The following CNTN4 variants were observed in gnomAD, a reference collection of about 807,000 sequenced individuals.
CNTN4 encodes the protein contactin-4.
CNTN4 carries 77 observed loss-of-function variants against 122.5 expected under a neutral mutation model. That is an observed-to-expected ratio of 0.63 (90% CI 0.52 to 0.76). The LOEUF (loss-of-function observed/expected upper bound fraction) is 0.76. CNTN4 is among the 30% of genes least tolerant of loss of function. The probability of loss-of-function intolerance (pLI) is 0.00; values close to 1 mark genes in which losing one functional copy is unlikely to be tolerated. For synonymous variants in CNTN4, 512 were observed against 447.0 expected, an observed-to-expected ratio of 1.15 and a Z score of -1.83; for missense variants, 1,256 against 1,259.1, an observed-to-expected ratio of 1.00 and a Z score of 0.04.
At chr3:2,105,561 C>T (rs1431908450) in intron 2 of CNTN4, among the ~76,000 whole-genome samples, 2 of 152,158 alleles carry the variant, frequency 1.3e-5, no homozygotes, top group Non-Finnish European at 2.9e-5. Flanking sequence ...ATAAAACCAT[C>T]AGATCTCATG....
chr3:2,838,315 C>G (rs1008228296), intron 7 of CNTN4, among the ~76,000 whole-genome samples: 1 of 152,152 alleles, frequency 6.6e-6, no homozygotes, highest in Non-Finnish European at 1.5e-5. Context: ...TAGAAACTCT[C>G]ATCTTTACTG....
At chr3:2,357,375 A>G (rs2044917270) in intron 3 of CNTN4, among the ~76,000 whole-genome samples, 1 of 152,214 alleles carries the variant, frequency 6.6e-6, no homozygotes, top group South Asian at 2.1e-4. Flanking sequence ...GATTCTGGTG[A>G]TTCTGTTATA....
chr3:2,306,220 A>G (rs182058402), intron 2 of CNTN4, among the ~76,000 whole-genome samples: 9 of 152,326 alleles, frequency 5.9e-5, no homozygotes, highest in African/African-American at 1.7e-4. Context: ...ACTGTTTACC[A>G]AAGTGTTTGC....
chr3:2,652,283 C>T (rs561186498), intron 4 of CNTN4, among the ~76,000 whole-genome samples: 46 of 152,236 alleles, frequency 3.0e-4, no homozygotes, highest in African/African-American at 1.1e-3. Context: ...ATAAAAACCT[C>T]ATCCCAATTA....
At chr3:2,873,698 G>T (rs74598466) in intron 8 of CNTN4, among the ~76,000 whole-genome samples, 1 of 152,248 alleles carries the variant, frequency 6.6e-6, no homozygotes, top group Admixed American at 6.5e-5. Flanking sequence ...TCATGAAAAG[G>T]GAGCTTTATT....
chr3:3,047,319 TATA>T (rs2125842020), intron 23 of CNTN4, among the ~76,000 whole-genome samples: 1 of 152,278 alleles, frequency 6.6e-6, no homozygotes, highest in East Asian at 1.9e-4. Context: ...ATCAACAGAA[TATA>T]CATTCTTCTC....
chr3:2,799,762 A>G (rs964630204), intron 6 of CNTN4, among the ~76,000 whole-genome samples: 2 of 152,302 alleles, frequency 1.3e-5, no homozygotes, highest in Admixed American at 1.3e-4. Flanking sequence ...TTATGGGTAC[A>G]TAGTAGGTAA....
chr3:2,304,642 T>A (rs1475509946), intron 2 of CNTN4, among the ~76,000 whole-genome samples: 1 of 151,990 alleles, frequency 6.6e-6, no homozygotes, highest in Non-Finnish European at 1.5e-5. Context: ...GTTGGCTTTA[T>A]CACATTGTGT....
chr3:2,185,932 T>A (rs182152096), intron 2 of CNTN4, among the ~76,000 whole-genome samples: 391 of 152,276 alleles, frequency 2.6e-3, no homozygotes, highest in Middle Eastern at 0.01. Flanking sequence ...TTTCTTTTTT[T>A]AATTTTTTAT....
intron 2 of CNTN4, among the ~76,000 whole-genome samples, chr3:2,163,234 C>T (rs1277299069): frequency 6.6e-6 from 1 of 152,116 alleles, no homozygotes; most frequent in East Asian, 1.9e-4. Flanking sequence ...ACAAAGCATA[C>T]AAAAGCATAA....
intron 14 of CNTN4, among the ~76,000 whole-genome samples, chr3:3,002,352 T>C (rs1478669836): frequency 6.6e-6 from 1 of 152,168 alleles, no homozygotes; most frequent in Non-Finnish European, 1.5e-5. Flanking sequence ...ACAAAGTAGC[T>C]CTTCCTCTTG....
intron 3 of CNTN4, among the ~76,000 whole-genome samples, chr3:2,457,880 A>C (rs2049058153): frequency 6.6e-6 from 1 of 151,926 alleles, no homozygotes; most frequent in South Asian, 2.1e-4. Flanking sequence ...AGCACAGATA[A>C]CTCTGCCACT....
intron 4 of CNTN4, among the ~76,000 whole-genome samples, chr3:2,649,280 C>T (rs2083262837): frequency 6.6e-6 from 1 of 152,160 alleles, no homozygotes; most frequent in African/African-American, 2.4e-5. Flanking sequence ...AAGATGCCAT[C>T]CAGGACTTTG....
intron 4 of CNTN4, among the ~76,000 whole-genome samples, chr3:2,717,300 C>T (rs1164599906): frequency 2.0e-5 from 3 of 152,044 alleles, no homozygotes; most frequent in African/African-American, 7.3e-5. Flanking sequence ...TTATGAACAC[C>T]TTATTTCCTT....
At chr3:2,822,825 C>G (rs867918239) in intron 7 of CNTN4, among the ~76,000 whole-genome samples, 1 of 152,142 alleles carries the variant, frequency 6.6e-6, no homozygotes, top group Non-Finnish European at 1.5e-5. Context: ...TGGCAGCAGT[C>G]AGCAGCTCTG....
intron 2 of CNTN4, among the ~76,000 whole-genome samples, chr3:2,198,909 T>C (rs1030011038): frequency 6.6e-6 from 1 of 152,156 alleles, no homozygotes; most frequent in Non-Finnish European, 1.5e-5. Flanking sequence ...GAGGGCCACA[T>C]TGGTGACATT....
intron 2 of CNTN4, among the ~76,000 whole-genome samples, chr3:2,325,476 T>A (rs1448323868): frequency 5.9e-5 from 9 of 152,220 alleles, no homozygotes; most frequent in African/African-American, 2.2e-4. Flanking sequence ...AAGAACGCCT[T>A]TTGTTTTTAT....
chr3:2,745,348 A>G (rs1266990470), intron 5 of CNTN4, among the ~76,000 whole-genome samples, 174 bp from the exon 6 acceptor site: 1 of 152,184 alleles, frequency 6.6e-6, no homozygotes, highest in Non-Finnish European at 1.5e-5. Flanking sequence ...CTTTCCATAT[A>G]AGCACTTAAG....
chr3:3,039,740 G>T (rs138880924), intron 19 of CNTN4: 2 of 391,458 alleles, frequency 5.1e-6, no homozygotes, highest in Non-Finnish European at 9.6e-6. Flanking sequence ...TCAGGAGACC[G>T]ATGTCCAGTG....
Sources: allele counts gnomAD v4.1 joint callset (sites outside exome capture counted in the v4.1 genomes callset), GRCh38; gene constraint gnomAD v4.1.1; transcripts MANE v1.5; gene names NCBI Gene and HGNC (gene_info 2026-07-23, HGNC 2026-07-21).